CALHM2: variants seen among roughly 807,000 people sequenced by gnomAD.
CALHM2 encodes the protein calcium homeostasis modulator family member 2.
Under a neutral mutation model 20.4 loss-of-function variants are expected in CALHM2, and 18 were observed. That is an observed-to-expected ratio of 0.88 (90% CI 0.61 to 1.31). The LOEUF (loss-of-function observed/expected upper bound fraction) is 1.31, where lower values mean the gene tolerates loss of function less well. Among genes scored for constraint, CALHM2 ranks in the 50% most tolerant of loss-of-function variants. The probability of loss-of-function intolerance (pLI) is 0.00; values close to 1 mark genes in which losing one functional copy is unlikely to be tolerated. For synonymous variants in CALHM2, 193 were observed against 192.1 expected (o/e 1.00, Z -0.04); for missense variants, 411 against 435.7 (o/e 0.94, Z 0.50).
At chr10:103,447,923 C>T (rs2032745742) in intron 3 of CALHM2, among the ~76,000 whole-genome samples, 2 of 152,158 alleles carry the variant, frequency 1.3e-5, no homozygotes, top group Non-Finnish European at 2.9e-5. Flanking sequence ...GGCCTGGTTC[C>T]TCTCATCACC....
At position 103,449,463 on chromosome 10, in the gene CALHM2, A is replaced by T. The variant is rs1464620813; in HGVS notation, c.479T>A (p.Phe160Tyr). Reference sequence around the variant, plus strand: ...GTTGTCAGGGTTCTCCTTGCAGGGGAACCTGGCCAGGATTTCAGTGGCGTG... The same window carrying T: ...GTTGTCAGGGTTCTCCTTGCAGGGGTACCTGGCCAGGATTTCAGTGGCGTG... ...SAHATEILARFPCKENPDNLS... is the reference protein window; with the variant it reads ...SAHATEILARYPCKENPDNLS... The change falls in exon 3 of 4, where the codon TTC becomes TAC. Residue 160 changes from phenylalanine (F) to tyrosine (Y), a missense_variant. By Grantham distance (22) the Phe-to-Tyr change is conservative. Coordinates refer to ENST00000260743, the MANE Select transcript of CALHM2 (RefSeq NM_015916.5). The T allele has an allele frequency of 6.2e-7, 1 of 1,613,246 alleles. No homozygotes were observed. The highest frequency in any genetic ancestry group is 1.7e-5 in the Admixed American group (1 of 60,028).
In CALHM2 at chr10:103,447,135, G is replaced by C. The variant is rs1394125819; in HGVS notation, c.*17C>G. ...GACCAAGTAGTGCCATTTACAAAGAGCATGGGAAGCACCTCCTTAGGAGGG... is the reference window on the plus strand; with the variant it reads ...GACCAAGTAGTGCCATTTACAAAGACCATGGGAAGCACCTCCTTAGGAGGG... On this transcript the variant is annotated 3_prime_UTR_variant, in exon 4 of 4. Transcript: ENST00000260743. The C allele has an allele frequency of 6.3e-7, 1 of 1,580,722 alleles. No homozygotes were observed.
chr10:103,448,765 C>T (rs1372274440), intron 3 of CALHM2, among the ~76,000 whole-genome samples: 1 of 151,992 alleles, frequency 6.6e-6, no homozygotes. Flanking sequence ...TCCTTCCTGT[C>T]TCTCCCTCAC....
Position 103,447,508 on chromosome 10 carries a change from T to G in CALHM2, c.616A>C (p.Lys206Gln). The part of the protein sequence containing the change: ...AILVFLTKCL[K>Q]HYCSPLSYRQ... ...TAGCTGAGTGGTGAGCAGTAATGCT[T>G]GAGGCACTTGGTCAGGAACACCAGG... is the stretch of plus-strand genomic sequence containing the variant. The change falls in exon 4 of 4, where the codon AAG (lysine) becomes CAG (glutamine). Residue 206 changes from lysine (K) to glutamine (Q), a missense_variant. Transcript: ENST00000260743. 2 of 1,611,862 alleles carry G rather than the reference T, an allele frequency of 1.2e-6. No homozygotes were observed. Among genetic ancestry groups the G allele is most frequent in the Non-Finnish European group, 1.7e-6 (2 of 1,178,464 alleles).
At position 103,446,994 on chromosome 10, in the gene CALHM2, T is replaced by C; in HGVS notation, c.*158A>G. 1 of 719,130 alleles carries C rather than the reference T, an allele frequency of 1.4e-6. No homozygotes were observed. The highest frequency in any genetic ancestry group is 2.2e-6 in the Non-Finnish European group (1 of 451,892). 44.5% of individuals were successfully genotyped at this position (719,130 alleles called of 1,614,324 possible). A position where few individuals can be genotyped will look rare whatever the true frequency, so the allele number is the denominator to read the frequency against. On this transcript the variant is annotated 3_prime_UTR_variant, in exon 4 of 4. Coordinates refer to ENST00000260743, the MANE Select transcript of CALHM2 (RefSeq NM_015916.5). ...GCTGGCTGGGGCTTCCATTGTCTAC[T>C]GGGTCTGTCCACACCCCAGATTGCC...
chr10:103,448,416 A>T (rs1271757047), intron 3 of CALHM2, among the ~76,000 whole-genome samples: 1 of 151,578 alleles, frequency 6.6e-6, no homozygotes, highest in African/African-American at 2.4e-5. Context: ...CAAAGTGCTG[A>T]GATTACAGGT....
chr10:103,450,046 C>T lies in CALHM2; in HGVS notation c.-105G>A, dbSNP rs1432779400. 4.1e-5 allele frequency: 43 copies of T among 1,040,500 alleles called. No homozygotes were observed. In the South Asian group the frequency reaches 4.5e-4, roughly 11 times the overall value. The allele number at this position is 1,040,500 out of a possible 1,614,324, so 64.5% of individuals were successfully genotyped here. The stretch of plus-strand genomic sequence containing the variant: ...GGGGCACAGGCTGGGAGGCGCTGGA[C>T]GGCAGGGTGTGGTTGTGCTATTTTA... On this transcript the variant is annotated 5_prime_UTR_variant, in exon 3 of 4. Coordinates refer to ENST00000260743, the MANE Select transcript of CALHM2 (RefSeq NM_015916.5).
chr10:103,447,310 T>C lies in CALHM2; in HGVS notation c.814A>G (p.Thr272Ala). The C allele has an allele frequency of 6.2e-7, 1 of 1,614,252 alleles. No homozygotes were observed. Among genetic ancestry groups the C allele is most frequent in the African/African-American group, 1.3e-5 (1 of 75,068 alleles). Residue 272 changes from threonine to alanine, a missense_variant, in exon 4 of 4, where the codon ACG becomes GCG. Transcript: ENST00000260743. ...ELIANFPVEG[T>A]QPRPQWNAIT... ...GCATTCCACTGTGGCCGTGGCTGCG[T>C]GCCTTCCACTGGGAAGTTGGCAATC... is the stretch of plus-strand genomic sequence containing the variant.
Position 103,447,434 on chromosome 10 carries a change from C to G in CALHM2, c.690G>C (p.Leu230=), listed in dbSNP as rs1259927614. 1 of 1,614,236 alleles carries G rather than the reference C, an allele frequency of 6.2e-7. No individual in the cohort carries two copies. Among genetic ancestry groups the G allele is most frequent in the African/African-American group, 1.3e-5 (1 of 75,082 alleles). The change falls in exon 4 of 4, where the codon CTG becomes CTC. Residue 230 remains leucine (L), a synonymous_variant. Transcript: ENST00000260743. ...WAQYRANEDQ[L]FQRTAEVHSR... ...AGTGCACCTCGGCCGTGCGCTGGAA[C>G]AGCTGGTCCTCATTGGCGCGGTACT...
At chr10:103,449,156 T>C (rs2032824839) in intron 3 of CALHM2, 4 of 546,846 alleles carry the variant, frequency 7.3e-6, no homozygotes, top group South Asian at 2.0e-5. Flanking sequence ...TTTGGTCATA[T>C]ACAACTGAGA....
At position 103,449,661 on chromosome 10, in the gene CALHM2, C is replaced by A. The variant is rs2032871338; in HGVS notation, c.281G>T (p.Cys94Phe). ...AECQHRRTKN[C>F]SAAPTFLLLS... ...AAGGAGGAAGGTGGGGGCGGCGGAG[C>A]AGTTCTTGGTCCTCCGGTGCTGGCA... The change falls in exon 3 of 4, where the codon TGC becomes TTC. Residue 94 changes from cysteine (C) to phenylalanine (F), a missense_variant. Physicochemically the swap from Cys to Phe is radical, Grantham distance 205 (BLOSUM62 -2). Transcript: ENST00000260743. 4 of 1,613,900 alleles carry A rather than the reference C, an allele frequency of 2.5e-6. No individual in the cohort carries two copies. Among genetic ancestry groups the A allele is most frequent in the Non-Finnish European group, 3.4e-6 (4 of 1,180,044 alleles).
rs564600651 is a variant in CALHM2, at chr10:103,449,780, G to A, written c.162C>T (p.Tyr54=). Residue 54 remains tyrosine, a synonymous_variant, in exon 3 of 4, where the codon TAC becomes TAT. Transcript: ENST00000260743. The part of the protein sequence containing the change: ...FHCPCSPARN[Y]LYGLAAIGVP... ...CGCCGATGGCCGCCAGCCCGTACAG[G>A]TAGTTCCGGGCCGGCGAGCAGGGGC... 4 of 1,613,490 alleles carry A rather than the reference G, an allele frequency of 2.5e-6. No homozygotes were observed. The highest frequency in any genetic ancestry group is 1.7e-5 in the Admixed American group (1 of 60,032).
Position 103,449,183 on chromosome 10 carries a change from A to T in CALHM2, c.555+204T>A, listed in dbSNP as rs548179025. 37 of 591,618 alleles carry T rather than the reference A, an allele frequency of 6.3e-5. No individual in the cohort carries two copies. In the South Asian group the frequency reaches 7.1e-4, roughly 11 times the overall value. 36.6% of individuals were successfully genotyped at this position (591,618 alleles called of 1,614,324 possible). A position where few individuals can be genotyped will look rare whatever the true frequency, so the allele number is the denominator to read the frequency against. On this transcript the variant is annotated intron_variant, in intron 3 of 3. Transcript: ENST00000260743. Reference sequence around the variant, plus strand: ...CAACTGAGATTTACAGTAAAAAAAAAAATTGATAAAACTGTCTTATTTGTG... The same window carrying T: ...CAACTGAGATTTACAGTAAAAAAAATAATTGATAAAACTGTCTTATTTGTG...
In CALHM2 at chr10:103,447,077, A is replaced by G. The variant is rs904009813; in HGVS notation, c.*75T>C. On this transcript the variant is annotated 3_prime_UTR_variant, in exon 4 of 4. Transcript: ENST00000260743. ...AGTTTTTTAAAAATCCCCTTCTGAT[A>G]TGGATGTGAGCAAGCAGTGGGGTTC... is the stretch of plus-strand genomic sequence containing the variant. The G allele has an allele frequency of 7.8e-6, 11 of 1,406,664 alleles. No homozygotes were observed. In the African/African-American group the frequency reaches 1.6e-4, roughly 20 times the overall value. The allele number at this position is 1,406,664 out of a possible 1,614,324, so 87.1% of individuals were successfully genotyped here. A position where few individuals can be genotyped will look rare whatever the true frequency, so the allele number is the denominator to read the frequency against.
rs2032852084 is a variant in CALHM2, at chr10:103,449,488, G to C, written c.454C>G (p.His152Asp). 8.7e-6 allele frequency: 14 copies of C among 1,613,420 alleles called. No homozygotes were observed. Among genetic ancestry groups the C allele is most frequent in the Non-Finnish European group, 1.1e-5 (13 of 1,179,994 alleles). ...TAREEHFPSA[H>D]ATEILARFPC... ...AACCTGGCCAGGATTTCAGTGGCGTGGGCTGATGGGAAGTGCTCTTCCCTG... is the reference window on the plus strand; with the variant it reads ...AACCTGGCCAGGATTTCAGTGGCGTCGGCTGATGGGAAGTGCTCTTCCCTG... The change falls in exon 3 of 4, where the codon CAC becomes GAC. Residue 152 changes from histidine (H) to aspartate (D), a missense_variant. His to Asp is a moderately conservative substitution (Grantham distance 81, BLOSUM62 -1). Coordinates refer to ENST00000260743, the MANE Select transcript of CALHM2 (RefSeq NM_015916.5).
Position 103,446,856 on chromosome 10 carries a change from C to G in CALHM2, c.*296G>C. ...TAAGGCCAGAGGCTGCACTGGAGGC[C>G]ACTTCCCAGTGGTGCACTGCTGCGC... On this transcript the variant is annotated 3_prime_UTR_variant, in exon 4 of 4. Transcript: ENST00000260743. 3.1e-6 allele frequency: 1 copy of G among 326,946 alleles called. No individual in the cohort carries two copies. Among genetic ancestry groups the G allele is most frequent in the East Asian group, 4.9e-5 (1 of 20,506 alleles). 20.3% of individuals were successfully genotyped at this position (326,946 alleles called of 1,614,324 possible).
chr10:103,447,198 T>C lies in CALHM2; in HGVS notation c.926A>G (p.Asn309Ser). 1 of 1,614,006 alleles carries C rather than the reference T, an allele frequency of 6.2e-7. No individual in the cohort carries two copies. Among genetic ancestry groups the C allele is most frequent in the Non-Finnish European group, 8.5e-7 (1 of 1,179,910 alleles). Reference protein sequence around the residue: ...LHKWAQGLAGNGAAPDNVEMA... With the variant: ...LHKWAQGLAGSGAAPDNVEMA... ...CTCCACGTTGTCAGGGGCCGCGCCG[T>C]TGCCTGCCAGACCCTGGGCCCACTT... Residue 309 changes from asparagine (N) to serine (S), a missense_variant, in exon 4 of 4, where the codon AAC (asparagine) becomes AGC (serine). Coordinates refer to ENST00000260743, the MANE Select transcript of CALHM2 (RefSeq NM_015916.5).
At chr10:103,448,728 A>G (rs2032799545) in intron 3 of CALHM2, among the ~76,000 whole-genome samples, 1 of 151,878 alleles carries the variant, frequency 6.6e-6, no homozygotes, top group Admixed American at 6.5e-5. Flanking sequence ...CTCAAAAAAA[A>G]AAAAAGAAAA....
chr10:103,450,169 A>G (rs2032910978), intron 2 of CALHM2, 70 bp from the exon 3 acceptor site: 1 of 575,400 alleles, frequency 1.7e-6, no homozygotes. Context: ...TAGTGTGGAC[A>G]GGCTGGGGAG....
Sources: gnomAD v4.1 joint callset for allele counts (sites outside exome capture counted in the v4.1 genomes callset) on GRCh38, gnomAD v4.1.1 for gene constraint, MANE v1.5 for transcripts, NCBI Gene and HGNC (gene_info 2026-07-23, HGNC 2026-07-21) for gene names.